ABCA13: variants seen among roughly 807,000 people sequenced by gnomAD.
The protein encoded by ABCA13 is ATP-binding cassette sub-family A member 13.
ABCA13 carries 476 observed loss-of-function variants against 478.7 expected under a neutral mutation model. That is an observed-to-expected ratio of 0.99 (90% CI 0.92 to 1.07). The LOEUF is 1.07. Ranked by LOEUF, ABCA13 falls within the 50% of genes least tolerant of loss-of-function variation. The pLI is 0.00. For missense variants in ABCA13, 6,060 were observed against 5,910.6 expected, an observed-to-expected ratio of 1.03 and a Z score of -0.83; for synonymous variants, 2,252 against 2,158.9, an observed-to-expected ratio of 1.04 and a Z score of -1.20.
At chr7:48,299,740 T>C (rs901846749) in intron 23 of ABCA13, among the ~76,000 whole-genome samples, 12 of 152,210 alleles carry the variant, frequency 7.9e-5, no homozygotes, top group African/African-American at 2.2e-4. Flanking sequence ...CTGTTTTTGA[T>C]GACCACTGCC....
chr7:48,433,864 A>C (rs1822475825), intron 42 of ABCA13, among the ~76,000 whole-genome samples: 1 of 152,072 alleles, frequency 6.6e-6, no homozygotes, highest in African/African-American at 2.4e-5. Context: ...TTCTTTTATA[A>C]GGCTGAATAA....
In ABCA13 at chr7:48,310,161, T is replaced by G; in HGVS notation, c.9516+20T>G. On this transcript the variant is annotated intron_variant, in intron 24 of 61. Coordinates refer to ENST00000435803, the MANE Select transcript of ABCA13 (RefSeq NM_152701.5). ...TACAAGGTATGGAGAGCATGCTGGC[T>G]GGGGGCAGTCCTCTGCAGGACTCTG... The G allele has an allele frequency of 6.3e-7, 1 of 1,588,552 alleles. No individual in the cohort carries two copies. Among genetic ancestry groups the G allele is most frequent in the Admixed American group, 1.7e-5 (1 of 58,966 alleles).
At position 48,391,943 on chromosome 7, in the gene ABCA13, C is replaced by G. The variant is rs549072288; in HGVS notation, c.11677C>G (p.Pro3893Ala). 34 of 1,613,910 alleles carry G rather than the reference C, an allele frequency of 2.1e-5. No individual in the cohort carries two copies. The African/African-American group carries it at 2.9e-4, about 14-fold the overall frequency. ...TIISMLTGLH[P>A]PTSGTIIING... Reference sequence around the variant, plus strand: ...CAGATCCATGTTGACGGGGCTCCACCCTCCCACTTCTGGAACCATCATCAT... The same window carrying G: ...CAGATCCATGTTGACGGGGCTCCACGCTCCCACTTCTGGAACCATCATCAT... The change falls in exon 38 of 62, where the codon CCT (proline) becomes GCT (alanine). Residue 3893 changes from proline to alanine, a missense_variant. Physicochemically the swap from Pro to Ala is conservative, Grantham distance 27. Coordinates refer to ENST00000435803, the MANE Select transcript of ABCA13 (RefSeq NM_152701.5).
rs79243009 is a variant in ABCA13 at position 48,255,983 on chromosome 7, C to G, written c.2005+6632C>G. ...CTCACCAGCATCTGTTACTTTTTGA[C>G]TTTTTAATGATAGCCATTCTGACTG... On this transcript the variant is annotated intron_variant, in intron 15 of 61. Coordinates refer to ENST00000435803, the MANE Select transcript of ABCA13 (RefSeq NM_152701.5). Among the ~76,000 whole-genome samples the G allele has an allele frequency of 6.6e-5, 10 of 152,188 alleles. No homozygotes were observed. In the East Asian group the frequency reaches 1.9e-3, roughly 29 times the overall value.
intron 55 of ABCA13, among the ~76,000 whole-genome samples, chr7:48,552,594 T>A (rs1171957826): frequency 1.8e-5 from 2 of 109,218 alleles, no homozygotes; most frequent in Non-Finnish European, 3.7e-5. Flanking sequence ...CTTTGTTGCC[T>A]TTTTTTTTTT....
At chr7:48,630,912 G>A (rs1255685049) in intron 59 of ABCA13, among the ~76,000 whole-genome samples, 1 of 151,606 alleles carries the variant, frequency 6.6e-6, no homozygotes, top group Non-Finnish European at 1.5e-5. Context: ...GATTAGTGAT[G>A]ATGAGTATTT....
chr7:48,315,365 TC>T (rs1802420307), intron 26 of ABCA13, among the ~76,000 whole-genome samples: 1 of 152,246 alleles, frequency 6.6e-6, no homozygotes, highest in Non-Finnish European at 1.5e-5. Flanking sequence ...TATACTTTTT[TC>T]TGCAATAAAA....
chr7:48,345,351 C>T (rs1421185379), intron 29 of ABCA13, among the ~76,000 whole-genome samples: 1 of 152,074 alleles, frequency 6.6e-6, no homozygotes, highest in Non-Finnish European at 1.5e-5. Context: ...CAGGAGGTAT[C>T]CAGAAAAATC....
At chr7:48,242,514 C>T (rs923537839) in intron 10 of ABCA13, among the ~76,000 whole-genome samples, 10 of 152,198 alleles carry the variant, frequency 6.6e-5, no homozygotes, top group South Asian at 4.1e-4. Flanking sequence ...CTTGGCTCCC[C>T]GCAACCTCCA....
intron 39 of ABCA13, among the ~76,000 whole-genome samples, chr7:48,407,507 T>A (rs1284603850): frequency 6.6e-6 from 1 of 151,040 alleles, no homozygotes; most frequent in African/African-American, 2.4e-5. Flanking sequence ...AGAAAGCCAA[T>A]AAGAAATAAT....
chr7:48,439,484 A>G (rs1002579514), intron 42 of ABCA13, among the ~76,000 whole-genome samples: 2 of 152,218 alleles, frequency 1.3e-5, no homozygotes, highest in African/African-American at 4.8e-5. Flanking sequence ...AATGCTAATA[A>G]CCGAAAGAGA....
At chr7:48,624,928 A>G (rs1793522753) in intron 59 of ABCA13, among the ~76,000 whole-genome samples, 1 of 152,110 alleles carries the variant, frequency 6.6e-6, no homozygotes, top group South Asian at 2.1e-4. Context: ...TGATTTAAAG[A>G]AAATTGTTAA....
chr7:48,204,569 A>G (rs1009931998), intron 3 of ABCA13, among the ~76,000 whole-genome samples: 3 of 152,176 alleles, frequency 2.0e-5, no homozygotes, highest in Non-Finnish European at 4.4e-5. Context: ...TAGATTCGCC[A>G]GGGAGAAGGA....
chr7:48,458,858 A>G (rs1825951798), intron 43 of ABCA13, among the ~76,000 whole-genome samples: 2 of 152,146 alleles, frequency 1.3e-5, no homozygotes, highest in Non-Finnish European at 2.9e-5. Flanking sequence ...TAGGGAGTGA[A>G]CGCATGACAT....
chr7:48,367,822 C>T lies in ABCA13; in HGVS notation c.10717C>T (p.Pro3573Ser), dbSNP rs777120543. Residue 3573 changes from proline to serine, a missense_variant, in exon 32 of 62, where the codon CCA (proline) becomes TCA (serine). Coordinates refer to ENST00000435803, the MANE Select transcript of ABCA13 (RefSeq NM_152701.5). ...CCTGAACAACGTTGGTTTCTTTTTT[C>T]CACTGATAATGATGCTGACGTGGAT... ...LFLNNVGFFF[P>S]LIMMLTWMVS... 32 of 1,572,794 alleles carry T rather than the reference C, an allele frequency of 2.0e-5. No homozygotes were observed. In the South Asian group the frequency reaches 3.4e-4, roughly 17 times the overall value.
chr7:48,518,819 T>C (rs1350015839), intron 52 of ABCA13, among the ~76,000 whole-genome samples: 1 of 152,098 alleles, frequency 6.6e-6, no homozygotes, highest in Non-Finnish European at 1.5e-5. Context: ...AATAAAAATA[T>C]TTTAAGTTCT....
intron 28 of ABCA13, among the ~76,000 whole-genome samples, 190 bp from the exon 29 acceptor site, chr7:48,338,175 G>A (rs1000669525): frequency 6.6e-6 from 1 of 152,074 alleles, no homozygotes; most frequent in African/African-American, 2.4e-5. Flanking sequence ...TGTTGATTTT[G>A]TTTTTCAAGG....
At chr7:48,536,838 G>T (rs1204987659) in intron 55 of ABCA13, among the ~76,000 whole-genome samples, 3 of 151,584 alleles carry the variant, frequency 2.0e-5, no homozygotes, top group Non-Finnish European at 4.4e-5. Flanking sequence ...AGTCTATATA[G>T]ATTTTATATT....
chr7:48,337,422 A>G (rs1298251457), intron 28 of ABCA13, among the ~76,000 whole-genome samples: 2 of 152,236 alleles, frequency 1.3e-5, no homozygotes, highest in East Asian at 1.9e-4. Context: ...GCAAACACCA[A>G]ACTTTCATAA....
Sources: allele counts gnomAD v4.1 joint callset (sites outside exome capture counted in the v4.1 genomes callset), GRCh38; gene constraint gnomAD v4.1.1; transcripts MANE v1.5; gene names NCBI Gene and HGNC (gene_info 2026-07-23, HGNC 2026-07-21).